Variants in ASGR2 observed in about 807,000 individuals in gnomAD.
ASGR2 encodes C-type lectin domain family 4 member H2.
A neutral mutation model predicts 32.3 loss-of-function variants in ASGR2; 34 were observed. The ratio of observed to expected loss-of-function variants is 1.05; its 90% CI spans 0.80 to 1.40. ASGR2 has a LOEUF of 1.40. ASGR2 is among the 40% of genes most tolerant of loss of function. The pLI is 0.00. For synonymous variants in ASGR2, 143 were observed against 150.0 expected (o/e 0.95, Z 0.34); for missense variants, 385 against 386.4 (o/e 1.00, Z 0.03).
At position 7,114,472 on chromosome 17, in the gene ASGR2, G is replaced by A. The variant is rs1915222091; in HGVS notation, c.-71+143C>T. On this transcript the variant is annotated intron_variant, in intron 1 of 8. Transcript: ENST00000691900. The surrounding 1 kb of genome is among the most constrained non-coding windows in gnomAD (Gnocchi z 4.5). The stretch of plus-strand genomic sequence containing the variant: ...CTTTCCCTTCTCAGGAGACCGCTTG[G>A]GCCTTGACCTGGCCAGGAGACCCCT... 3 of 1,360,732 alleles carry A rather than the reference G, an allele frequency of 2.2e-6. No homozygotes were observed. Among genetic ancestry groups the A allele is most frequent in the African/African-American group, 1.5e-5 (1 of 68,178 alleles). 84.3% of individuals were successfully genotyped at this position (1,360,732 alleles called of 1,614,324 possible). A position where few individuals can be genotyped will look rare whatever the true frequency, so the allele number is the denominator to read the frequency against.
At position 7,102,109 on chromosome 17, in the gene ASGR2, C is replaced by T. The variant is rs1453418058; in HGVS notation, c.736G>A (p.Asp246Asn). 4 of 1,613,968 alleles carry T rather than the reference C, an allele frequency of 2.5e-6. No homozygotes were observed. The highest frequency in any genetic ancestry group is 3.4e-6 in the Non-Finnish European group (4 of 1,179,936). Residue 246 changes from aspartate to asparagine, a missense_variant, in exon 8 of 9, where the codon GAC becomes AAC. Physicochemically the swap from Asp to Asn is conservative, Grantham distance 23 (BLOSUM62 1). Transcript: ENST00000691900. Reference sequence around the variant, plus strand: ...ACTTACTTGTAGTTGTGCCTATAGTCTGTGCCATCCACCCATTTCCAAGAG... The same window carrying T: ...ACTTACTTGTAGTTGTGCCTATAGTTTGTGCCATCCACCCATTTCCAAGAG... ...DGSWKWVDGT[D>N]YRHNYKNWAV... is the part of the protein sequence containing the mutation.
intron 2 of ASGR2, among the ~76,000 whole-genome samples, chr17:7,112,971 C>T (rs529817534): frequency 6.6e-6 from 1 of 152,134 alleles, no homozygotes; most frequent in Non-Finnish European, 1.5e-5. Flanking sequence ...GCCTGGGCAA[C>T]ATAGCAAGAC....
chr17:7,101,738 T>C lies in ASGR2; in HGVS notation c.758A>G (p.Asn253Ser), dbSNP rs781206483. ...ATTATCTGGCTGAGTGACAGCCCAG[T>C]TCCTAAGGAGGCAAGAGAAAACTCG... Reference protein sequence around the residue: ...DGTDYRHNYKNWAVTQPDNWH... With the variant: ...DGTDYRHNYKSWAVTQPDNWH... The change falls in exon 9 of 9, where the codon AAC becomes AGC. Residue 253 changes from asparagine (N) to serine (S), a missense_variant and splice_region_variant. Asn to Ser is a conservative substitution (Grantham distance 46). Transcript: ENST00000691900. 1 of 1,613,170 alleles carries C rather than the reference T, an allele frequency of 6.2e-7. No individual in the cohort carries two copies. The highest frequency in any genetic ancestry group is 1.1e-5 in the South Asian group (1 of 91,046).
Position 7,113,563 on chromosome 17 carries a change from TACAC to T in ASGR2, c.124+550_124+553del, listed in dbSNP as rs896966636. Among the ~76,000 whole-genome samples, 11 of 126,558 alleles carry T rather than the reference TACAC, an allele frequency of 8.7e-5. No individual in the cohort carries two copies. The highest frequency in any genetic ancestry group is 5.0e-4 in the South Asian group (2 of 4,004). The allele number at this position is 126,558 out of a possible 152,430, so 83.0% of individuals were successfully genotyped here. A position where few individuals can be genotyped will look rare whatever the true frequency, so the allele number is the denominator to read the frequency against. On this transcript the variant is annotated intron_variant, in intron 2 of 8. Coordinates refer to ENST00000691900, the MANE Select transcript of ASGR2 (RefSeq NM_001201352.2). The surrounding 1 kb of genome is among the most constrained non-coding windows in gnomAD (Gnocchi z 5.1). ...ATACACAACATACATACACACAACA[TACAC>T]ACAACATACACACACTCACATACAC...
chr17:7,108,668 C>T lies in ASGR2; in HGVS notation c.241+104G>A. The T allele has an allele frequency of 1.9e-6, 3 of 1,604,834 alleles. No homozygotes were observed. In the East Asian group the frequency reaches 6.7e-5, roughly 36 times the overall value. On this transcript the variant is annotated intron_variant, in intron 3 of 8. Coordinates refer to ENST00000691900, the MANE Select transcript of ASGR2 (RefSeq NM_001201352.2). The surrounding 1 kb of genome is among the most constrained non-coding windows in gnomAD (Gnocchi z 4.9). The stretch of plus-strand genomic sequence containing the variant: ...CATTTGCCCCAGCTTGTGCTCCACC[C>T]CGCCTCCATCCCTTCCCCTCCCATC...
At position 7,106,009 on chromosome 17, in the gene ASGR2, G is replaced by A. The variant is rs189445450; in HGVS notation, c.648+991C>T. On this transcript the variant is annotated intron_variant, in intron 7 of 8. Transcript: ENST00000691900. ...TCACCATTTTGGCCAGGCTGGTCTC[G>A]AACTCCTGACTTCATGATCCGCCCA... 4.4e-3 allele frequency among the ~76,000 whole-genome samples: 676 copies of A among 152,056 alleles called. 2 individuals carry two copies. The highest frequency in any genetic ancestry group is 0.031 in the Middle Eastern group (9 of 294).
rs1442761681 is a variant in ASGR2, at chr17:7,108,831, A to C, written c.182T>G (p.Leu61Arg). 1.9e-6 allele frequency: 3 copies of C among 1,613,594 alleles called. No homozygotes were observed. Among genetic ancestry groups the C allele is most frequent in the Non-Finnish European group, 2.5e-6 (3 of 1,179,774 alleles). ...CAGGATGTTGAAGCTCAGGGCAAGC[A>C]GACTGAAGCAGACCATGGAGCAGAG... ...QRLCSMVCFS[L>R]LALSFNILLL... Residue 61 changes from leucine to arginine, a missense_variant, in exon 3 of 9, where the codon CTG (leucine) becomes CGG (arginine). Coordinates refer to ENST00000691900, the MANE Select transcript of ASGR2 (RefSeq NM_001201352.2). The surrounding 1 kb of genome is among the most constrained non-coding windows in gnomAD (Gnocchi z 4.9).
chr17:7,112,392 C>T (rs552653), intron 2 of ASGR2, among the ~76,000 whole-genome samples: 42,619 of 151,672 alleles, frequency 0.28, 6,381 homozygotes, highest in Admixed American at 0.37. Flanking sequence ...TCCCTTCAGA[C>T]GGTCCCTCAC....
Position 7,107,259 on chromosome 17 carries a change from G to A in ASGR2, c.468C>T (p.Ala156=), listed in dbSNP as rs1913872628. 6.2e-7 allele frequency: 1 copy of A among 1,614,144 alleles called. No individual in the cohort carries two copies. The highest frequency in any genetic ancestry group is 1.7e-5 in the Admixed American group (1 of 60,018). Residue 156 remains alanine, a synonymous_variant, in exon 6 of 9, where the codon GCC becomes GCT. Coordinates refer to ENST00000691900, the MANE Select transcript of ASGR2 (RefSeq NM_001201352.2). The surrounding 1 kb of genome is among the most constrained non-coding windows in gnomAD (Gnocchi z 5.0). ...KHFPVDLRFV[A]CQMELLHSNG... ...TGCTGTGGAGGAGCTCCATCTGGCA[G>A]GCCACGAAGCGCAGGTCCACGGGGA...
chr17:7,110,871 C>T (rs1914536665), intron 2 of ASGR2, among the ~76,000 whole-genome samples: 1 of 152,154 alleles, frequency 6.6e-6, no homozygotes, highest in South Asian at 2.1e-4. Context: ...AGGAACCCTC[C>T]GATCACCCCA....
intron 7 of ASGR2, among the ~76,000 whole-genome samples, chr17:7,102,835 G>A (rs1436400770): frequency 6.6e-6 from 1 of 152,182 alleles, no homozygotes; most frequent in Non-Finnish European, 1.5e-5. Flanking sequence ...ATCTAGCTAC[G>A]TGGAGTCTGA....
At position 7,101,601 on chromosome 17, in the gene ASGR2, G is replaced by A. The variant is rs767822984; in HGVS notation, c.895C>T (p.Arg299Trp). 7.4e-6 allele frequency: 12 copies of A among 1,614,028 alleles called. No individual in the cohort carries two copies. Among genetic ancestry groups the A allele is most frequent in the Admixed American group, 3.3e-5 (2 of 60,002 alleles). Reference protein sequence around the residue: ...QVYRWVCEKRRNATGEVA With the variant: ...QVYRWVCEKRWNATGEVA ...CAGGCCACCTCGCCGGTGGCATTCC[G>A]CCTTTTCTCACACACCCAGCGGTAC... is the stretch of plus-strand genomic sequence containing the variant. Residue 299 changes from arginine to tryptophan, a missense_variant, in exon 9 of 9, where the codon CGG becomes TGG. Arg to Trp is a moderately radical substitution (Grantham distance 101). Coordinates refer to ENST00000691900, the MANE Select transcript of ASGR2 (RefSeq NM_001201352.2).
Position 7,107,646 on chromosome 17 carries a change from TACACACCACACA to T in ASGR2, c.409+178_409+189del. On this transcript the variant is annotated intron_variant, in intron 5 of 8. Transcript: ENST00000691900. The surrounding 1 kb of genome is among the most constrained non-coding windows in gnomAD (Gnocchi z 5.0). ...CACAACACACACATATACACCACACTACACACCACACACAGATCCATGACATATCACACCACA... is the reference window on the plus strand; with the variant it reads ...CACAACACACACATATACACCACACTCAGATCCATGACATATCACACCACA... 1 of 762,186 alleles carries T rather than the reference TACACACCACACA, an allele frequency of 1.3e-6. No individual in the cohort carries two copies. Among genetic ancestry groups the T allele is most frequent in the Non-Finnish European group, 2.2e-6 (1 of 460,056 alleles). 47.2% of individuals were successfully genotyped at this position (762,186 alleles called of 1,614,324 possible).
intron 7 of ASGR2, 152 bp from the exon 8 acceptor site, chr17:7,102,348 T>C: frequency 1.4e-6 from 1 of 689,774 alleles, no homozygotes; most frequent in Non-Finnish European, 2.6e-6. Flanking sequence ...TTCCTAGCTT[T>C]TTCTTCCGTC....
intron 2 of ASGR2, among the ~76,000 whole-genome samples, chr17:7,112,998 A>AT (rs1197666805): frequency 6.6e-6 from 1 of 151,950 alleles, no homozygotes; most frequent in Non-Finnish European, 1.5e-5. Flanking sequence ...TCTCTAAAAA[A>AT]TTTTTTTTAA....
At chr17:7,101,780 T>G in intron 8 of ASGR2, 40 bp from the exon 9 acceptor site, 3 of 1,598,976 alleles carry the variant, frequency 1.9e-6, no homozygotes, top group Non-Finnish European at 2.6e-6. Context: ...GCCACGGTGG[T>G]GAGAAAGCGA....
rs1381147211 is a variant in ASGR2 at position 7,107,826 on chromosome 17, G to C, written c.409+10C>G. ...ACGCACATGCGCACACACCCCGGAG[G>C]CTCTCTGACCTGCTTTCAGGTCCTG... On this transcript the variant is annotated intron_variant, in intron 5 of 8. Transcript: ENST00000691900. The surrounding 1 kb of genome is among the most constrained non-coding windows in gnomAD (Gnocchi z 5.0). 1 of 1,611,414 alleles carries C rather than the reference G, an allele frequency of 6.2e-7. No homozygotes were observed.
At chr17:7,102,033 G>T in intron 8 of ASGR2, 57 bp downstream of exon 8, 1 of 1,539,330 alleles carries the variant, frequency 6.5e-7, no homozygotes, top group Admixed American at 1.7e-5. Context: ...GGAGTGAAAG[G>T]CCAGGGGGCT....
intron 7 of ASGR2, among the ~76,000 whole-genome samples, chr17:7,106,505 G>A (rs1013590662): frequency 5.3e-5 from 8 of 152,166 alleles, no homozygotes; most frequent in Admixed American, 1.3e-4. Context: ...AAATATGTTC[G>A]TACTCACAGT....
Sources: allele counts gnomAD v4.1 joint callset (sites outside exome capture counted in the v4.1 genomes callset), GRCh38; gene constraint gnomAD v4.1.1; non-coding constraint Gnocchi (gnomAD v3.1); transcripts MANE v1.5; gene names NCBI Gene and HGNC (gene_info 2026-07-23, HGNC 2026-07-21).